PTPRE: variants seen among roughly 807,000 people sequenced by gnomAD.
PTPRE encodes the protein receptor-type tyrosine-protein phosphatase epsilon.
In PTPRE, 51 loss-of-function variants were observed where a neutral mutation model predicts 102.0. That is an observed-to-expected ratio of 0.50 (90% CI 0.40 to 0.63). The LOEUF is 0.63. Ranked by LOEUF, PTPRE falls within the 30% of genes least tolerant of loss-of-function variation. The pLI, the probability that PTPRE is intolerant of heterozygous loss-of-function variation, is 0.00. For synonymous variants in PTPRE, 345 were observed against 348.2 expected (o/e 0.99, Z 0.10); for missense variants, 752 against 915.1 (o/e 0.82, Z 2.30).
At chr10:128,034,538 A>T (rs1564907593) in intron 2 of PTPRE, among the ~76,000 whole-genome samples, 2 of 152,140 alleles carry the variant, frequency 1.3e-5, no homozygotes, top group South Asian at 2.1e-4. Context: ...TACGAAAAAA[A>T]GTCTTAAATT....
Position 128,020,180 on chromosome 10 carries a change from C to T in PTPRE, c.-7-20695C>T, listed in dbSNP as rs772213657. Among the ~76,000 whole-genome samples the T allele has an allele frequency of 5.4e-4, 83 of 152,350 alleles. 1 individual carries two copies. The highest frequency in any genetic ancestry group is 9.8e-4 in the Non-Finnish European group (67 of 68,040). Reference sequence around the variant, plus strand: ...TAATTAATAAGCCCACACTTTTCCACAGCAGACCTTCTTATTAAAGTATCA... The same window carrying T: ...TAATTAATAAGCCCACACTTTTCCATAGCAGACCTTCTTATTAAAGTATCA... On this transcript the variant is annotated intron_variant, in intron 2 of 20. Coordinates refer to ENST00000254667, the MANE Select transcript of PTPRE (RefSeq NM_006504.6).
At chr10:127,935,091 G>C (rs750330057) in intron 1 of PTPRE, among the ~76,000 whole-genome samples, 10 of 152,082 alleles carry the variant, frequency 6.6e-5, no homozygotes, top group Non-Finnish European at 1.3e-4. Flanking sequence ...CGTTTCCATG[G>C]AGAGGCTGGC....
chr10:128,053,714 C>T (rs1254749397), intron 6 of PTPRE, among the ~76,000 whole-genome samples: 1 of 152,202 alleles, frequency 6.6e-6, no homozygotes. Flanking sequence ...CCATCCTCGC[C>T]ATCCAATCCC....
intron 1 of PTPRE, chr10:127,929,813 T>G (rs964923341): frequency 1.1e-4 from 17 of 152,306 alleles, no homozygotes; most frequent in African/African-American, 3.1e-4. Context: ...TCTTAGCACT[T>G]TGGGAGGCTG....
chr10:127,993,112 A>C lies in PTPRE; in HGVS notation c.-8+10816A>C, dbSNP rs892362484. 2.0e-5 allele frequency among the ~76,000 whole-genome samples: 3 copies of C among 152,292 alleles called. No individual in the cohort carries two copies. The East Asian group carries it at 5.8e-4, about 29-fold the overall frequency. On this transcript the variant is annotated intron_variant, in intron 2 of 20. Transcript: ENST00000254667. The stretch of plus-strand genomic sequence containing the variant: ...GGGTTGAGGAAATAGACTCACTGAA[A>C]TTGCGTATTCAGGTCTATGAAAGAC...
At chr10:128,014,068 G>A (rs1348098848) in intron 2 of PTPRE, among the ~76,000 whole-genome samples, 1 of 152,122 alleles carries the variant, frequency 6.6e-6, no homozygotes, top group Admixed American at 6.5e-5. Context: ...CTGGGTCGTG[G>A]TCATCTCTGT....
intron 7 of PTPRE, among the ~76,000 whole-genome samples, chr10:128,060,060 C>T (rs1227704782): frequency 7.0e-6 from 1 of 142,422 alleles, no homozygotes; most frequent in African/African-American, 2.7e-5. Context: ...CACACATACA[C>T]ACCACACACA....
intron 1 of PTPRE, among the ~76,000 whole-genome samples, chr10:127,963,724 G>A (rs973767495): frequency 1.1e-4 from 17 of 152,202 alleles, no homozygotes; most frequent in African/African-American, 2.4e-4. Flanking sequence ...GTGCACACAC[G>A]TGTGGAACCC....
intron 1 of PTPRE, among the ~76,000 whole-genome samples, chr10:127,911,576 G>T (rs1353289682): frequency 1.3e-5 from 2 of 151,330 alleles, no homozygotes; most frequent in African/African-American, 4.8e-5. Context: ...CCAAAGAAAG[G>T]GGCTGTCCTG....
intron 10 of PTPRE, among the ~76,000 whole-genome samples, chr10:128,064,393 T>TG (rs1450200546): frequency 1.3e-5 from 2 of 152,206 alleles, no homozygotes; most frequent in African/African-American, 4.8e-5. Context: ...TGCTTTGTCA[T>TG]GGGGAAGAGG....
intron 1 of PTPRE, among the ~76,000 whole-genome samples, chr10:127,909,290 A>G (rs758724042): frequency 3.9e-5 from 6 of 152,188 alleles, no homozygotes; most frequent in Non-Finnish European, 5.9e-5. Context: ...TTGCCCCCAA[A>G]CCCCAAGAGA....
At chr10:128,015,654 G>A (rs147794112) in intron 2 of PTPRE, among the ~76,000 whole-genome samples, 21 of 152,242 alleles carry the variant, frequency 1.4e-4, no homozygotes, top group African/African-American at 4.3e-4. Context: ...GAGCTACCAC[G>A]TCCAGCTGAG....
At chr10:127,989,962 T>C (rs1852468799) in intron 2 of PTPRE, among the ~76,000 whole-genome samples, 1 of 152,240 alleles carries the variant, frequency 6.6e-6, no homozygotes, top group African/African-American at 2.4e-5. Context: ...ATCAGGTATC[T>C]CTTGCAAGCT....
chr10:128,061,055 G>A, intron 8 of PTPRE, 40 bp downstream of exon 8: 1 of 1,591,828 alleles, frequency 6.3e-7, no homozygotes, highest in Non-Finnish European at 8.6e-7. Context: ...GGCCCAGCTG[G>A]GGCATGAGCA....
At position 127,994,772 on chromosome 10, in the gene PTPRE, G is replaced by C. The variant is rs1486892048; in HGVS notation, c.-8+12476G>C. ...TGTCGCAGGGGCTGTTGGTCCTCCT[G>C]ACTCCCTGCTGGAACGTAAGGGAGA... On this transcript the variant is annotated intron_variant, in intron 2 of 20. Transcript: ENST00000254667. 2.6e-5 allele frequency among the ~76,000 whole-genome samples: 4 copies of C among 152,286 alleles called. No individual in the cohort carries two copies. The South Asian group carries it at 8.3e-4, about 32-fold the overall frequency.
intron 1 of PTPRE, among the ~76,000 whole-genome samples, chr10:127,958,377 C>T (rs1411237728): frequency 2.6e-5 from 4 of 152,000 alleles, no homozygotes; most frequent in Non-Finnish European, 5.9e-5. Context: ...CCTTCTATTC[C>T]TTGTTTGTTG....
At chr10:127,940,171 C>T (rs1404530521) in intron 1 of PTPRE, among the ~76,000 whole-genome samples, 1 of 152,056 alleles carries the variant, frequency 6.6e-6, no homozygotes, top group Admixed American at 6.5e-5. Flanking sequence ...CCTGAGGTGG[C>T]TGACAGCTTC....
At chr10:128,020,048 ACGCG>A (rs1845746792) in intron 2 of PTPRE, among the ~76,000 whole-genome samples, 1 of 91,352 alleles carries the variant, frequency 1.1e-5, no homozygotes, top group South Asian at 3.8e-4. Context: ...GTGTGTGTGC[ACGCG>A]CGCACGTGTG....
At chr10:127,970,975 T>C (rs1409252912) in intron 1 of PTPRE, among the ~76,000 whole-genome samples, 1 of 152,158 alleles carries the variant, frequency 6.6e-6, no homozygotes, top group Non-Finnish European at 1.5e-5. Flanking sequence ...TTAAAATTAA[T>C]TGATGTAGCA....
Sources: allele counts gnomAD v4.1 joint callset (sites outside exome capture counted in the v4.1 genomes callset), GRCh38; gene constraint gnomAD v4.1.1; transcripts MANE v1.5; gene names NCBI Gene and HGNC (gene_info 2026-07-23, HGNC 2026-07-21).